Variants in TTC27 observed in about 807,000 individuals in gnomAD.
TTC27 encodes tetratricopeptide repeat protein 27.
A neutral mutation model predicts 115.9 loss-of-function variants in TTC27; 79 were observed. The observed-to-expected ratio is 0.68, with a 90% CI of 0.57 to 0.82. The LOEUF is 0.82. TTC27 is among the 40% of genes least tolerant of loss of function. TTC27 has a pLI of 0.00. For synonymous variants in TTC27, 401 were observed against 356.0 expected (o/e 1.13, Z -1.42); for missense variants, 1,054 against 993.1 (o/e 1.06, Z -0.82).
intron 16 of TTC27, among the ~76,000 whole-genome samples, chr2:32,788,249 T>C (rs1480459327): frequency 6.6e-6 from 1 of 152,104 alleles, no homozygotes; most frequent in Admixed American, 6.6e-5. Context: ...AAAATGTACA[T>C]GAAACATTCA....
intron 9 of TTC27, among the ~76,000 whole-genome samples, chr2:32,684,478 T>C (rs1666562008): frequency 1.3e-5 from 2 of 152,074 alleles, no homozygotes; most frequent in Admixed American, 1.3e-4. Context: ...TGAGTGTGAA[T>C]TGATACTGGC....
chr2:32,670,429 T>C (rs1396604508), intron 7 of TTC27, among the ~76,000 whole-genome samples: 1 of 152,164 alleles, frequency 6.6e-6, no homozygotes, highest in African/African-American at 2.4e-5. Context: ...TTTTCTAGAA[T>C]TTCCAATAAA....
intron 12 of TTC27, among the ~76,000 whole-genome samples, chr2:32,749,164 A>T (rs920484961): frequency 4.6e-5 from 7 of 152,126 alleles, no homozygotes; most frequent in Non-Finnish European, 8.8e-5. Context: ...GTTATTTACC[A>T]CCTCAGGCAG....
chr2:32,697,156 C>T (rs1667015173), intron 9 of TTC27, among the ~76,000 whole-genome samples: 1 of 151,080 alleles, frequency 6.6e-6, no homozygotes, highest in African/African-American at 2.4e-5. Context: ...TGCACCACTG[C>T]ACTCTAGCTT....
At chr2:32,658,600 A>C (rs1430177030) in intron 5 of TTC27, among the ~76,000 whole-genome samples, 1 of 152,212 alleles carries the variant, frequency 6.6e-6, no homozygotes, top group African/African-American at 2.4e-5. Context: ...CCATTCATTC[A>C]TTATGTATTC....
intron 13 of TTC27, among the ~76,000 whole-genome samples, chr2:32,775,109 A>G (rs1038413197): frequency 7.9e-5 from 12 of 152,228 alleles, no homozygotes; most frequent in Admixed American, 6.5e-5. Flanking sequence ...GGTAATTGCT[A>G]ATTTTGGACA....
chr2:32,630,950 T>G (rs1474660351), intron 2 of TTC27, among the ~76,000 whole-genome samples: 2 of 152,174 alleles, frequency 1.3e-5, no homozygotes, highest in Non-Finnish European at 2.9e-5. Flanking sequence ...CTGCAAATGC[T>G]TAGGTCTGGT....
chr2:32,819,687 A>G (rs1309045887), intron 19 of TTC27, among the ~76,000 whole-genome samples: 1 of 152,186 alleles, frequency 6.6e-6, no homozygotes, highest in African/African-American at 2.4e-5. Context: ...CTCCCAGGAC[A>G]GAGTGACTCC....
chr2:32,678,350 T>C (rs1359518849), intron 8 of TTC27, among the ~76,000 whole-genome samples: 1 of 152,098 alleles, frequency 6.6e-6, no homozygotes, highest in African/African-American at 2.4e-5. Context: ...TTATACTTTA[T>C]ACCTTATATC....
chr2:32,662,049 G>T lies in TTC27; in HGVS notation c.641-2254G>T, dbSNP rs369257087. On this transcript the variant is annotated intron_variant, in intron 5 of 19. Coordinates refer to ENST00000317907, the MANE Select transcript of TTC27 (RefSeq NM_017735.5). ...ATCTTATGGTTTTTGTCACGGTTCT[G>T]TTTATGTGATGGATTATGTTTATTA... is the stretch of plus-strand genomic sequence containing the variant. Among the ~76,000 whole-genome samples, 14 of 152,136 alleles carry T rather than the reference G, an allele frequency of 9.2e-5. No homozygotes were observed. In the East Asian group the frequency reaches 2.7e-3, roughly 29 times the overall value.
intron 12 of TTC27, among the ~76,000 whole-genome samples, chr2:32,741,541 A>G (rs1668640327): frequency 6.6e-6 from 1 of 151,944 alleles, no homozygotes; most frequent in African/African-American, 2.4e-5. Context: ...AGTCCCAGCT[A>G]CTTGGGAGGC....
intron 6 of TTC27, among the ~76,000 whole-genome samples, chr2:32,665,381 G>A (rs536517829): frequency 6.6e-6 from 1 of 152,290 alleles, no homozygotes; most frequent in South Asian, 2.1e-4. Context: ...TGTATCTTGT[G>A]AGGTTAGTTT....
intron 10 of TTC27, among the ~76,000 whole-genome samples, chr2:32,727,626 T>C (rs1438420992): frequency 6.6e-6 from 1 of 152,170 alleles, no homozygotes; most frequent in Non-Finnish European, 1.5e-5. Context: ...AAATATTATA[T>C]TGCAACAGAT....
chr2:32,666,606 C>G, intron 6 of TTC27, 29 bp from the exon 7 acceptor site: 1 of 1,611,136 alleles, frequency 6.2e-7, no homozygotes, highest in Non-Finnish European at 8.5e-7. Flanking sequence ...ATGGGTAAGT[C>G]AGTAGATATA....
rs1428874455 is a variant in TTC27, at chr2:32,733,839, C to T, written c.1245C>T (p.Asp415=). Residue 415 remains aspartate (D), a synonymous_variant, in exon 11 of 20, where the codon GAC becomes GAT. Transcript: ENST00000317907. The part of the protein sequence containing the change: ...RAMRQTQALA[D]QFEDKTTSVL... ...ATATGTCCTTTAAGGCTCTTGCAGA[C>T]CAATTTGAAGATAAAACTACATCTG... 3 of 1,609,898 alleles carry T rather than the reference C, an allele frequency of 1.9e-6. No homozygotes were observed. Among genetic ancestry groups the T allele is most frequent in the South Asian group, 1.1e-5 (1 of 90,372 alleles).
intron 16 of TTC27, among the ~76,000 whole-genome samples, chr2:32,793,189 A>G (rs1412444139): frequency 6.6e-6 from 1 of 152,164 alleles, no homozygotes; most frequent in Non-Finnish European, 1.5e-5. Flanking sequence ...CCTTAATAAG[A>G]TTATCAGCAG....
chr2:32,723,728 C>G (rs11695040), intron 10 of TTC27, among the ~76,000 whole-genome samples: 19 of 29,532 alleles, frequency 6.4e-4, no homozygotes, highest in Middle Eastern at 0.022. Context: ...CCCTCCCTCC[C>G]TCCTTCCTTC....
At chr2:32,817,589 T>C (rs755690901) in intron 19 of TTC27, 32 bp downstream of exon 19, 1 of 1,578,992 alleles carries the variant, frequency 6.3e-7, no homozygotes, top group Non-Finnish European at 8.7e-7. Context: ...ATTGGAATTG[T>C]CATATAGAAA....
chr2:32,673,626 G>A (rs990978455), intron 8 of TTC27, among the ~76,000 whole-genome samples: 3 of 152,204 alleles, frequency 2.0e-5, no homozygotes, highest in African/African-American at 4.8e-5. Flanking sequence ...CCCACTACTG[G>A]TGATGTTAAC....
Sources: allele counts gnomAD v4.1 joint callset (sites outside exome capture counted in the v4.1 genomes callset), GRCh38; gene constraint gnomAD v4.1.1; transcripts MANE v1.5; gene names NCBI Gene and HGNC (gene_info 2026-07-23, HGNC 2026-07-21).